MAF: variants seen among roughly 807,000 people sequenced by gnomAD.
MAF encodes transcription factor Maf.
A neutral mutation model predicts 22.0 loss-of-function variants in MAF; 10 were observed. That is an observed-to-expected ratio of 0.45 (90% CI 0.28 to 0.77). The LOEUF (loss-of-function observed/expected upper bound fraction) is 0.77. Among genes scored for constraint, MAF ranks in the 30% least tolerant of loss-of-function variants. The pLI, the probability that MAF is intolerant of heterozygous loss-of-function variation, is 0.12. For synonymous variants in MAF, 337 were observed against 255.8 expected (o/e 1.32, Z -3.03); for missense variants, 544 against 548.4 (o/e 0.99, Z 0.08).
the MAF span, among the ~76,000 whole-genome samples, chr16:79,304,234 C>A: frequency 6.6e-6 from 1 of 152,172 alleles, no homozygotes; most frequent in Admixed American, 6.5e-5. Flanking sequence ...CTTGCAGAGA[C>A]ATCAATGTCA....
chr16:79,209,901 T>C, the MAF span, among the ~76,000 whole-genome samples: 2 of 152,220 alleles, frequency 1.3e-5, no homozygotes, highest in African/African-American at 4.8e-5. Context: ...CATGAACTCA[T>C]TTCCATTAGA....
At chr16:79,226,682 A>C in the MAF span, among the ~76,000 whole-genome samples, 3 of 152,084 alleles carry the variant, frequency 2.0e-5, no homozygotes, top group Non-Finnish European at 2.9e-5. Context: ...AAGTGCTAAT[A>C]ATGTTTATCT....
chr16:79,338,095 C>T, the MAF span, among the ~76,000 whole-genome samples: 7 of 152,156 alleles, frequency 4.6e-5, no homozygotes, highest in Non-Finnish European at 1.0e-4. Context: ...AAAACATACA[C>T]GCAAGTCAGC....
At chr16:79,277,058 A>T in the MAF span, among the ~76,000 whole-genome samples, 1 of 151,742 alleles carries the variant, frequency 6.6e-6, no homozygotes, top group Admixed American at 6.6e-5. Flanking sequence ...TTGTTTTTTG[A>T]GTCCGGTCTC....
chr16:79,288,030 G>C, the MAF span, among the ~76,000 whole-genome samples: 2 of 152,114 alleles, frequency 1.3e-5, no homozygotes, highest in Admixed American at 6.6e-5. Context: ...AGTTCCTTGG[G>C]GATATTTTTC....
At chr16:79,266,247 C>G in the MAF span, among the ~76,000 whole-genome samples, 1 of 152,096 alleles carries the variant, frequency 6.6e-6, no homozygotes. Context: ...GAATGGCACA[C>G]AATTTAAAAC....
chr16:79,537,629 C>G, the MAF span, among the ~76,000 whole-genome samples: 112 of 152,244 alleles, frequency 7.4e-4, no homozygotes, highest in African/African-American at 2.6e-3. Flanking sequence ...CAATTAGGAA[C>G]AGGTTGCTGA....
At chr16:79,452,023 G>T in the MAF span, among the ~76,000 whole-genome samples, 1 of 152,022 alleles carries the variant, frequency 6.6e-6, no homozygotes, top group East Asian at 1.9e-4. Flanking sequence ...CCCATCCCTC[G>T]CCTATTTCTG....
At chr16:79,555,638 C>T in the MAF span, among the ~76,000 whole-genome samples, 1 of 152,106 alleles carries the variant, frequency 6.6e-6, no homozygotes, top group Non-Finnish European at 1.5e-5. Context: ...GTTTGCACAC[C>T]AACATGATGC....
At chr16:79,375,497 T>A in the MAF span, among the ~76,000 whole-genome samples, 2 of 152,148 alleles carry the variant, frequency 1.3e-5, no homozygotes, top group Non-Finnish European at 2.9e-5. Context: ...AAGATAATGA[T>A]GGTGATGATG....
chr16:79,361,419 G>C, the MAF span, among the ~76,000 whole-genome samples: 1 of 152,102 alleles, frequency 6.6e-6, no homozygotes, highest in African/African-American at 2.4e-5. Flanking sequence ...TTCCTTATAG[G>C]GGCCTAAGGA....
the MAF span, chr16:79,204,433 C>T: frequency 6.6e-6 from 1 of 152,186 alleles, no homozygotes; most frequent in Non-Finnish European, 1.5e-5. Context: ...ACCCTAACCC[C>T]AGCAAAGCAT....
chr16:79,310,998 G>A, the MAF span, among the ~76,000 whole-genome samples: 1 of 151,562 alleles, frequency 6.6e-6, no homozygotes, highest in Admixed American at 6.6e-5. Flanking sequence ...CACCCTGGCT[G>A]CTGCTGCGGC....
At chr16:79,215,653 A>G in the MAF span, among the ~76,000 whole-genome samples, 4 of 152,298 alleles carry the variant, frequency 2.6e-5, no homozygotes, top group East Asian at 1.9e-4. Context: ...TTGTAAGGGT[A>G]GCTGAGGATT....
the MAF span, among the ~76,000 whole-genome samples, chr16:79,281,518 C>G: frequency 6.6e-6 from 1 of 150,762 alleles, no homozygotes; most frequent in Non-Finnish European, 1.5e-5. Flanking sequence ...CCATCTCAAG[C>G]ACCTTGAGAA....
At chr16:79,406,491 A>G in the MAF span, among the ~76,000 whole-genome samples, 1 of 152,088 alleles carries the variant, frequency 6.6e-6, no homozygotes, top group Non-Finnish European at 1.5e-5. Flanking sequence ...AGGTTCATAG[A>G]TGGTGCCTTC....
the MAF span, among the ~76,000 whole-genome samples, chr16:79,553,055 T>C: frequency 6.6e-6 from 1 of 152,368 alleles, no homozygotes; most frequent in South Asian, 2.1e-4. Context: ...CTTTGAACCT[T>C]AATTTCCTCA....
the MAF span, among the ~76,000 whole-genome samples, chr16:79,421,861 C>G: frequency 4.8e-4 from 73 of 152,204 alleles, no homozygotes; most frequent in African/African-American, 1.8e-3. Flanking sequence ...CACTGCAGCC[C>G]CCGCCTCCCA....
chr16:79,312,786 G>A, the MAF span, among the ~76,000 whole-genome samples: 1 of 152,126 alleles, frequency 6.6e-6, no homozygotes, highest in South Asian at 2.1e-4. Context: ...CGCTTGCATC[G>A]GTGATAAGGG....
Sources: gnomAD v4.1 joint callset for allele counts (sites outside exome capture counted in the v4.1 genomes callset) on GRCh38, gnomAD v4.1.1 for gene constraint, MANE v1.5 for transcripts, NCBI Gene and HGNC (gene_info 2026-07-23, HGNC 2026-07-21) for gene names.